The following SSH2 variants were observed in gnomAD, a reference collection of about 807,000 sequenced individuals.
The protein encoded by SSH2 is protein phosphatase Slingshot homolog 2.
In SSH2, 37 loss-of-function variants were observed where a neutral mutation model predicts 135.2. The observed-to-expected ratio is 0.27, with a 90% CI of 0.21 to 0.36. The LOEUF (loss-of-function observed/expected upper bound fraction) is 0.36. Among genes scored for constraint, SSH2 ranks in the 10% least tolerant of loss-of-function variants. The pLI is 1.00. For missense variants in SSH2, 1,408 were observed against 1,765.3 expected, an observed-to-expected ratio of 0.80 and a Z score of 3.63; for synonymous variants, 628 against 646.2, an observed-to-expected ratio of 0.97 and a Z score of 0.43.
At chr17:29,716,372 A>G (rs2039622322) in intron 3 of SSH2, 1 of 502,840 alleles carries the variant, frequency 2.0e-6, no homozygotes. Context: ...AGAGTGCTTT[A>G]TGTGCTCAAT....
chr17:29,643,067 G>A (rs1293924408), intron 14 of SSH2: 1 of 920,942 alleles, frequency 1.1e-6, no homozygotes, highest in African/African-American at 1.8e-5. Flanking sequence ...CAAACAATGA[G>A]AGATTTTTCT....
intron 2 of SSH2, among the ~76,000 whole-genome samples, chr17:29,830,292 TGTAA>T (rs2042823026): frequency 1.3e-5 from 2 of 152,320 alleles, no homozygotes; most frequent in African/African-American, 4.8e-5. Flanking sequence ...TTTCCTGATC[TGTAA>T]GTTTTTAATT....
intron 5 of SSH2, among the ~76,000 whole-genome samples, chr17:29,686,464 C>T (rs2038226456): frequency 6.6e-6 from 1 of 151,038 alleles, no homozygotes; most frequent in Non-Finnish European, 1.5e-5. Context: ...CAGGTTCAAG[C>T]AATTTTCCTG....
intron 3 of SSH2, among the ~76,000 whole-genome samples, chr17:29,776,860 G>A (rs1226070779): frequency 6.6e-6 from 1 of 152,242 alleles, no homozygotes; most frequent in Non-Finnish European, 1.5e-5. Context: ...TGCAATTGCT[G>A]AAAGCAGCCT....
At chr17:29,771,966 C>T (rs193234839) in intron 3 of SSH2, among the ~76,000 whole-genome samples, 243 of 152,272 alleles carry the variant, frequency 1.6e-3, no homozygotes, top group Middle Eastern at 6.8e-3. Flanking sequence ...CAAGAATTTA[C>T]CACAACATTG....
chr17:29,772,390 C>T (rs922656582), intron 3 of SSH2, among the ~76,000 whole-genome samples: 1 of 151,880 alleles, frequency 6.6e-6, no homozygotes, highest in South Asian at 2.1e-4. Flanking sequence ...GGACTACAGG[C>T]GCCCACCACC....
intron 11 of SSH2, among the ~76,000 whole-genome samples, chr17:29,662,193 C>T (rs190159468): frequency 2.3e-3 from 346 of 152,266 alleles, no homozygotes; most frequent in Non-Finnish European, 3.9e-3. Context: ...TACTCTGGTT[C>T]CCTTGCACTG....
rs199885282 is a variant in SSH2, at chr17:29,767,607, A to G, written c.188+26287T>C. The stretch of plus-strand genomic sequence containing the variant: ...AGCAATATATTGTAGCTGCTCTTTA[A>G]GAAGCATACATGCACACACACGCAC... On this transcript the variant is annotated intron_variant, in intron 3 of 15. Transcript: ENST00000540801. 1.8e-4 allele frequency among the ~76,000 whole-genome samples: 26 copies of G among 146,582 alleles called. No individual in the cohort carries two copies. In the East Asian group the frequency reaches 5.1e-3, roughly 29 times the overall value.
At chr17:29,716,594 CG>C (rs1485210148) in intron 3 of SSH2, 2 of 698,152 alleles carry the variant, frequency 2.9e-6, no homozygotes, top group Non-Finnish European at 5.3e-6. Context: ...CTTATAGATT[CG>C]CATATGCATG....
rs746220679 is a variant in SSH2, at chr17:29,650,775, G to A, written c.1105C>T (p.Arg369Ter). 3 of 1,613,508 alleles carry A rather than the reference G, an allele frequency of 1.9e-6. No individual in the cohort carries two copies. Among genetic ancestry groups the A allele is most frequent in the Admixed American group, 1.7e-5 (1 of 59,952 alleles). The change falls in exon 13 of 16, where the codon CGA becomes TGA. Residue 369 changes from arginine to a stop codon, truncating the protein, a stop_gained. Transcript: ENST00000540801. LOFTEE classifies it high-confidence loss of function. ...RGVRYILNVT[R>*]EIDNFFPGVF... ...CCTGGGAAGAAGTTATCTATCTCTC[G>A]AGTGACATTCAAGATATACCGTACC...
At chr17:29,863,193 A>C (rs1031149193) in intron 1 of SSH2, among the ~76,000 whole-genome samples, 9 of 152,160 alleles carry the variant, frequency 5.9e-5, no homozygotes, top group Admixed American at 5.2e-4. Flanking sequence ...AAAGATTGCC[A>C]ACTCCTGGCC....
chr17:29,824,506 G>A (rs1347943028), intron 2 of SSH2, among the ~76,000 whole-genome samples: 2 of 152,170 alleles, frequency 1.3e-5, no homozygotes, highest in Admixed American at 1.3e-4. Flanking sequence ...CTGCCCTGAA[G>A]TGGATCACAT....
In SSH2 at chr17:29,672,085, G is replaced by T. The variant is rs759004141; in HGVS notation, c.659C>A (p.Ala220Glu). The T allele has an allele frequency of 1.2e-6, 2 of 1,614,116 alleles. No homozygotes were observed. The highest frequency in any genetic ancestry group is 1.7e-6 in the Non-Finnish European group (2 of 1,179,996). ...TAGGCTGCCTGGGTAGTAGTTATGC[G>T]CTCTGGCGACTTCACAAGCCTTGTG... ...SLHKACEVAR[A>E]HNYYPGSLFL... The change falls in exon 9 of 16, where the codon GCG (alanine) becomes GAG (glutamate). Residue 220 changes from alanine (A) to glutamate (E), a missense_variant. By Grantham distance (107) the Ala-to-Glu change is moderately radical. Coordinates refer to ENST00000540801, the MANE Select transcript of SSH2 (RefSeq NM_001282129.2).
chr17:29,712,371 C>A (rs2039466566), intron 3 of SSH2, among the ~76,000 whole-genome samples: 1 of 152,142 alleles, frequency 6.6e-6, no homozygotes. Flanking sequence ...CTTGACTTTT[C>A]CCTTTGGCTT....
rs149151064 is a variant in SSH2, at chr17:29,780,203, C to T, written c.188+13691G>A. 6.4e-3 allele frequency among the ~76,000 whole-genome samples: 978 copies of T among 152,126 alleles called. 12 individuals are homozygous for T. Among genetic ancestry groups the T allele is most frequent in the African/African-American group, 0.02 (845 of 41,502 alleles). ...TTGCATTCCAGCCTGGGTGACAGAG[C>T]GAGACTCCATCTCAAACAGCAACAA... On this transcript the variant is annotated intron_variant, in intron 3 of 15. Transcript: ENST00000540801.
Position 29,672,051 on chromosome 17 carries a change from A to C in SSH2, c.693T>G (p.Thr231=). The part of the protein sequence containing the change: ...HNYYPGSLFL[T]WVSYYESHIN... ...TATGGCTCTCATAATAACTCACCCA[A>C]GTGAGAAATAGGCTGCCTGGGTAGT... The change falls in exon 9 of 16, where the codon ACT becomes ACG. Residue 231 remains threonine, a synonymous_variant. Coordinates refer to ENST00000540801, the MANE Select transcript of SSH2 (RefSeq NM_001282129.2). 6.2e-7 allele frequency: 1 copy of C among 1,614,150 alleles called. No individual in the cohort carries two copies. The highest frequency in any genetic ancestry group is 1.1e-5 in the South Asian group (1 of 91,082).
chr17:29,753,348 T>C (rs1300832901), intron 3 of SSH2, among the ~76,000 whole-genome samples: 1 of 151,230 alleles, frequency 6.6e-6, no homozygotes, highest in Non-Finnish European at 1.5e-5. Flanking sequence ...CAGGCTGGTC[T>C]CGAACTCCTG....
chr17:29,772,300 C>T (rs971131806), intron 3 of SSH2, among the ~76,000 whole-genome samples: 16 of 147,726 alleles, frequency 1.1e-4, no homozygotes, highest in Non-Finnish European at 2.1e-4. Flanking sequence ...GGCTGGAGTG[C>T]AGTGGCGTGA....
At chr17:29,662,589 C>T (rs554092685) in intron 11 of SSH2, among the ~76,000 whole-genome samples, 42 of 152,098 alleles carry the variant, frequency 2.8e-4, no homozygotes, top group African/African-American at 9.4e-4. Context: ...ATTTACACAC[C>T]CTCTGTTTCT....
Sources: allele counts gnomAD v4.1 joint callset (sites outside exome capture counted in the v4.1 genomes callset), GRCh38; gene constraint gnomAD v4.1.1; transcripts MANE v1.5; gene names NCBI Gene and HGNC (gene_info 2026-07-23, HGNC 2026-07-21).